The following BCL11B variants were observed in gnomAD, a reference collection of about 807,000 sequenced individuals.
The protein encoded by BCL11B is B-cell lymphoma/leukemia 11B.
A neutral mutation model predicts 49.9 loss-of-function variants in BCL11B; 8 were observed. That is an observed-to-expected ratio of 0.16 (90% CI 0.09 to 0.29). The LOEUF is 0.29. Among genes scored for constraint, BCL11B ranks in the 10% least tolerant of loss-of-function variants. BCL11B has a pLI of 1.00. For missense variants in BCL11B, 1,006 were observed against 1,351.0 expected, an observed-to-expected ratio of 0.74 and a Z score of 4.00; for synonymous variants, 739 against 637.4, an observed-to-expected ratio of 1.16 and a Z score of -2.40.
At chr14:99,214,331 T>A (rs1237983090) in intron 3 of BCL11B, among the ~76,000 whole-genome samples, 1 of 151,982 alleles carries the variant, frequency 6.6e-6, no homozygotes, top group Admixed American at 6.6e-5. Flanking sequence ...AGAGAGAGGA[T>A]CATTTGAGGC....
rs1886378177 is a variant in BCL11B at position 99,173,983 on chromosome 14, GT to G, written c.*167del. On this transcript the variant is annotated 3_prime_UTR_variant, in exon 4 of 4. Transcript: ENST00000357195. The stretch of plus-strand genomic sequence containing the variant: ...TTGTACTGCCTTAATCAACCCTCGG[GT>G]TTCCATAGGACTTCGCAGACACAGG... The G allele has an allele frequency of 7.9e-6, 5 of 633,418 alleles. No homozygotes were observed. The South Asian group carries it at 9.7e-5, about 12-fold the overall frequency. The allele number at this position is 633,418 out of a possible 1,614,324, so 39.2% of individuals were successfully genotyped here.
rs1886376361 is a variant in BCL11B, at chr14:99,173,920, A to C, written c.*231T>G. The C allele has an allele frequency of 1.8e-6, 1 of 552,506 alleles. No individual in the cohort carries two copies. Among genetic ancestry groups the C allele is most frequent in the Non-Finnish European group, 3.2e-6 (1 of 314,572 alleles). 34.2% of individuals were successfully genotyped at this position (552,506 alleles called of 1,614,324 possible). A position where few individuals can be genotyped will look rare whatever the true frequency, so the allele number is the denominator to read the frequency against. ...GCCAAAAAAATTACAAAACCCAATA[A>C]ATACAGAAATTATTGCACAGTTAAA... On this transcript the variant is annotated 3_prime_UTR_variant, in exon 4 of 4. Coordinates refer to ENST00000357195, the MANE Select transcript of BCL11B (RefSeq NM_138576.4).
At position 99,262,828 on chromosome 14, in the gene BCL11B, G is replaced by A. The variant is rs1372100523; in HGVS notation, c.59-4989C>T. The stretch of plus-strand genomic sequence containing the variant: ...GCTGCCATCCATTTTTAATTTATTG[G>A]ATCCAAGAGAAAATAACAACCGTAG... On this transcript the variant is annotated intron_variant, in intron 1 of 3. Transcript: ENST00000357195. This position sits in a 1 kb window ranked among gnomAD's most constrained non-coding sequence, Gnocchi z 4.2. 6.6e-6 allele frequency: 1 copy of A among 151,954 alleles called. No individual in the cohort carries two copies. Among genetic ancestry groups the A allele is most frequent in the African/African-American group, 2.4e-5 (1 of 41,284 alleles). The allele number at this position is 151,954 out of a possible 1,614,324, so 9.4% of individuals were successfully genotyped here. A position where few individuals can be genotyped will look rare whatever the true frequency, so the allele number is the denominator to read the frequency against.
At chr14:99,243,942 A>T (rs1431916090) in intron 2 of BCL11B, among the ~76,000 whole-genome samples, 33 of 21,188 alleles carry the variant, frequency 1.6e-3, no homozygotes, top group African/African-American at 8.1e-3. Context: ...AAAAAAAAAA[A>T]AAAAAAAAAA....
intron 3 of BCL11B, among the ~76,000 whole-genome samples, chr14:99,196,164 A>G (rs1257430): frequency 6.6e-6 from 1 of 151,976 alleles, no homozygotes; most frequent in Non-Finnish European, 1.5e-5. Context: ...GCATTCCCAA[A>G]GGCAAACACC....
At chr14:99,181,531 C>T (rs767586388) in intron 3 of BCL11B, among the ~76,000 whole-genome samples, 1 of 152,224 alleles carries the variant, frequency 6.6e-6, no homozygotes, top group Non-Finnish European at 1.5e-5. Flanking sequence ...AGGCATTTAT[C>T]GTCAGGGCCT....
Position 99,195,160 on chromosome 14 carries a change from T to C in BCL11B, c.641-18965A>G, listed in dbSNP as rs894791273. Among the ~76,000 whole-genome samples the C allele has an allele frequency of 6.6e-6, 1 of 152,094 alleles. No homozygotes were observed. The highest frequency in any genetic ancestry group is 2.4e-5 in the African/African-American group (1 of 41,408). On this transcript the variant is annotated intron_variant, in intron 3 of 3. Coordinates refer to ENST00000357195, the MANE Select transcript of BCL11B (RefSeq NM_138576.4). The surrounding 1 kb of genome is among the most constrained non-coding windows in gnomAD (Gnocchi z 4.7). The stretch of plus-strand genomic sequence containing the variant: ...CCCAGATGATCAGGGGACTGAAAAG[T>C]ACCTAAAGCAAGCCAAGATGCGTTC...
chr14:99,176,007 A>C lies in BCL11B; in HGVS notation c.829T>G (p.Ser277Ala). 1.9e-6 allele frequency: 3 copies of C among 1,546,098 alleles called. No individual in the cohort carries two copies. Among genetic ancestry groups the C allele is most frequent in the Non-Finnish European group, 2.6e-6 (3 of 1,146,836 alleles). ...PPLGPEAVAQ[S>A]PLMNFLGDSN... ...TCGCCCAGGAAATTCATGAGCGGGGACTGCGCCACGGCCTCCGGCCCGAGC... is the reference window on the plus strand; with the variant it reads ...TCGCCCAGGAAATTCATGAGCGGGGCCTGCGCCACGGCCTCCGGCCCGAGC... Residue 277 changes from serine to alanine, a missense_variant, in exon 4 of 4, where the codon TCC (serine) becomes GCC (alanine). By Grantham distance (99) the Ser-to-Ala change is moderately conservative. Around this residue, in one of 6 missense-constraint regions of BCL11B, gnomAD observed 411 missense variants for 542.2 expected, o/e 0.76. Coordinates refer to ENST00000357195, the MANE Select transcript of BCL11B (RefSeq NM_138576.4).
intron 1 of BCL11B, among the ~76,000 whole-genome samples, chr14:99,269,502 C>A (rs1485893241): frequency 7.6e-6 from 1 of 132,292 alleles, no homozygotes; most frequent in African/African-American, 2.9e-5. Flanking sequence ...GCGAATCCCA[C>A]TTTAATTTCT....
At chr14:99,198,789 C>G (rs1887255665) in intron 3 of BCL11B, among the ~76,000 whole-genome samples, 1 of 152,168 alleles carries the variant, frequency 6.6e-6, no homozygotes, top group Admixed American at 6.5e-5. Context: ...CTGTTCCACC[C>G]CACCCCCGGT....
At chr14:99,244,654 C>T (rs544858172) in intron 2 of BCL11B, among the ~76,000 whole-genome samples, 1 of 152,136 alleles carries the variant, frequency 6.6e-6, no homozygotes, top group African/African-American at 2.4e-5. Context: ...GCTTTGAGCT[C>T]CCAAGTGTTG....
At chr14:99,267,677 G>C (rs1296255717) in intron 1 of BCL11B, among the ~76,000 whole-genome samples, 1 of 152,100 alleles carries the variant, frequency 6.6e-6, no homozygotes, top group African/African-American at 2.4e-5. Context: ...ATAATTGTGA[G>C]CACCGCTGCC....
At chr14:99,254,049 G>A (rs546580230) in intron 2 of BCL11B, among the ~76,000 whole-genome samples, 6 of 152,306 alleles carry the variant, frequency 3.9e-5, no homozygotes, top group African/African-American at 1.4e-4. Context: ...CACGTCAAGA[G>A]CAGGGCTGCT....
intron 2 of BCL11B, among the ~76,000 whole-genome samples, chr14:99,256,299 A>G (rs2614476): frequency 0.99 from 151,353 of 152,320 alleles, 75,201 homozygotes; most frequent in East Asian, 1. Flanking sequence ...AGCCAGACGA[A>G]ACCTCTGAGA....
chr14:99,258,716 C>T (rs982194899), intron 1 of BCL11B, among the ~76,000 whole-genome samples: 3 of 152,170 alleles, frequency 2.0e-5, no homozygotes, highest in Non-Finnish European at 4.4e-5. Context: ...TAGATTTCCC[C>T]CACACTCATC....
chr14:99,206,913 G>A (rs914925440), intron 3 of BCL11B, among the ~76,000 whole-genome samples: 5 of 152,130 alleles, frequency 3.3e-5, no homozygotes, highest in Non-Finnish European at 7.3e-5. Context: ...CTTGGCCCAC[G>A]AACCCTAAAG....
In BCL11B at chr14:99,192,895, GAGTGAATGAA is replaced by G. The variant is rs1887075474; in HGVS notation, c.641-16710_641-16701del. Among the ~76,000 whole-genome samples, 3 of 152,062 alleles carry G rather than the reference GAGTGAATGAA, an allele frequency of 2.0e-5. No homozygotes were observed. The highest frequency in any genetic ancestry group is 1.9e-4 in the East Asian group (1 of 5,194). On this transcript the variant is annotated intron_variant, in intron 3 of 3. Coordinates refer to ENST00000357195, the MANE Select transcript of BCL11B (RefSeq NM_138576.4). This position sits in a 1 kb window ranked among gnomAD's most constrained non-coding sequence, Gnocchi z 4.0. ...TGAATGAATGAATGAATGAATGAATGAGTGAATGAATGGATAAAAGAGTGAATGAATGAAT... is the reference window on the plus strand; with the variant it reads ...TGAATGAATGAATGAATGAATGAATGTGGATAAAAGAGTGAATGAATGAAT...
chr14:99,225,031 C>A (rs536358271), intron 3 of BCL11B, among the ~76,000 whole-genome samples: 2 of 152,240 alleles, frequency 1.3e-5, no homozygotes, highest in Non-Finnish European at 2.9e-5. Context: ...TCCAAGGCAC[C>A]CAACGTGGGG....
chr14:99,264,078 G>A (rs1328710899), intron 1 of BCL11B: 1 of 152,186 alleles, frequency 6.6e-6, no homozygotes, highest in African/African-American at 2.4e-5. Flanking sequence ...TGATAAAAAA[G>A]CACTCTTTGT....
Sources: gnomAD v4.1 joint callset for allele counts (sites outside exome capture counted in the v4.1 genomes callset) on GRCh38, gnomAD v4.1.1 for gene constraint, gnomAD v4.1.1 regional missense constraint, Gnocchi (gnomAD v3.1) non-coding constraint, MANE v1.5 for transcripts, NCBI Gene and HGNC (gene_info 2026-07-23, HGNC 2026-07-21) for gene names.